The following BBS4 variants were observed in gnomAD, a reference collection of about 807,000 sequenced individuals.
BBS4 encodes Bardet-Biedl syndrome 4.
BBS4 carries 58 observed loss-of-function variants against 71.4 expected under a neutral mutation model. That is an observed-to-expected ratio of 0.81 (90% CI 0.66 to 1.01). BBS4 has a LOEUF of 1.01. Among genes scored for constraint, BBS4 ranks in the 50% least tolerant of loss-of-function variants. The pLI is 0.00. For synonymous variants in BBS4, 228 were observed against 216.8 expected (o/e 1.05, Z -0.46); for missense variants, 660 against 607.9 (o/e 1.09, Z -0.90).
chr15:72,721,180 T>A (rs2065568584), intron 6 of BBS4, among the ~76,000 whole-genome samples: 1 of 152,254 alleles, frequency 6.6e-6, no homozygotes. Flanking sequence ...AATTTTTAAA[T>A]GTGCGGCATT....
In BBS4 at chr15:72,712,322, T is replaced by C. The variant is rs1362023324; in HGVS notation, c.220+15T>C. The C allele has an allele frequency of 6.2e-7, 1 of 1,607,056 alleles. No homozygotes were observed. The highest frequency in any genetic ancestry group is 1.7e-4 in the Middle Eastern group (1 of 6,048). On this transcript the variant is annotated intron_variant, in intron 4 of 15. Transcript: ENST00000268057. ...CTATGTCCAAGGTAAGACACATACT[T>C]CTTGTCTTCTTGCTAGAGAAATACA...
intron 2 of BBS4, among the ~76,000 whole-genome samples, chr15:72,701,131 C>A (rs1289544590): frequency 6.6e-6 from 1 of 152,294 alleles, no homozygotes; most frequent in East Asian, 1.9e-4. Flanking sequence ...TCATTAACCA[C>A]CCCTCCCAAA....
At chr15:72,686,520 G>C in intron 1 of BBS4, 2 of 1,507,164 alleles carry the variant, frequency 1.3e-6, no homozygotes, top group Non-Finnish European at 1.8e-6. Flanking sequence ...ACCAGTAATG[G>C]CTCTTACCGT....
chr15:72,736,879 G>T lies in BBS4; in HGVS notation c.1366G>T (p.Ala456Ser). Reference sequence around the variant, plus strand: ...CCAGACCACTTCAACCAGCAAACCTGCCAGTTTCCAGCAGCCTCTGGGCTC... The same window carrying T: ...CCAGACCACTTCAACCAGCAAACCTTCCAGTTTCCAGCAGCCTCTGGGCTC... Reference protein sequence around the residue: ...KHQTTSTSKPASFQQPLGSNQ... With the variant: ...KHQTTSTSKPSSFQQPLGSNQ... The change falls in exon 15 of 16, where the codon GCC (alanine) becomes TCC (serine). Residue 456 changes from alanine to serine, a missense_variant. Ala to Ser is a moderately conservative substitution (Grantham distance 99, BLOSUM62 1). Coordinates refer to ENST00000268057, the MANE Select transcript of BBS4 (RefSeq NM_033028.5). 2.5e-6 allele frequency: 4 copies of T among 1,614,176 alleles called. No individual in the cohort carries two copies. Among genetic ancestry groups the T allele is most frequent in the Non-Finnish European group, 3.4e-6 (4 of 1,180,032 alleles).
intron 1 of BBS4, among the ~76,000 whole-genome samples, chr15:72,691,736 C>T (rs1217652727): frequency 6.6e-6 from 1 of 152,066 alleles, no homozygotes; most frequent in Non-Finnish European, 1.5e-5. Context: ...GAGGCCGAGG[C>T]TGCGGATCAT....
chr15:72,726,350 G>T (rs984106180), intron 8 of BBS4, among the ~76,000 whole-genome samples: 5 of 152,096 alleles, frequency 3.3e-5, no homozygotes, highest in Non-Finnish European at 7.3e-5. Flanking sequence ...GGCCTCAAGT[G>T]ATCTGCTTGC....
At chr15:72,686,551 C>T (rs1595897380) in intron 1 of BBS4, 4 of 1,467,916 alleles carry the variant, frequency 2.7e-6, no homozygotes, top group East Asian at 2.9e-5. Flanking sequence ...TTTTCTGTCT[C>T]GGGGGTTTGG....
chr15:72,727,879 G>C (rs762059756), intron 8 of BBS4, 61 bp from the exon 9 acceptor site: 4 of 1,236,752 alleles, frequency 3.2e-6, no homozygotes, highest in Non-Finnish European at 4.8e-6. Flanking sequence ...ATATTACTGT[G>C]CATGTGTCTT....
At chr15:72,688,504 C>T (rs1046597435) in intron 1 of BBS4, among the ~76,000 whole-genome samples, 4 of 137,692 alleles carry the variant, frequency 2.9e-5, no homozygotes, top group African/African-American at 1.1e-4. Flanking sequence ...ACCTCTGCCT[C>T]CCGGGTTCAA....
At position 72,705,587 on chromosome 15, in the gene BBS4, CTTT is replaced by C. The variant is rs762708438; in HGVS notation, c.77-4092_77-4090del. ...CAAGAAACACAAAACATGGCTTGTC[CTTT>C]TTTTTTTTTTTTTTTTTTTTGAGAC... is the stretch of plus-strand genomic sequence containing the variant. On this transcript the variant is annotated intron_variant, in intron 2 of 15. Coordinates refer to ENST00000268057, the MANE Select transcript of BBS4 (RefSeq NM_033028.5). Among the ~76,000 whole-genome samples the C allele has an allele frequency of 3.2e-4, 28 of 86,856 alleles. No homozygotes were observed. In the East Asian group the frequency reaches 3.7e-3, roughly 11 times the overall value. The allele number at this position is 86,856 out of a possible 152,430, so 57.0% of individuals were successfully genotyped here. A position where few individuals can be genotyped will look rare whatever the true frequency, so the allele number is the denominator to read the frequency against.
intron 2 of BBS4, among the ~76,000 whole-genome samples, chr15:72,701,697 T>C (rs2065171810): frequency 6.6e-6 from 1 of 152,214 alleles, no homozygotes; most frequent in Non-Finnish European, 1.5e-5. Flanking sequence ...TTTAGTATCC[T>C]ATGTGCCCTT....
intron 1 of BBS4, among the ~76,000 whole-genome samples, chr15:72,693,901 T>G (rs971920134): frequency 1.3e-5 from 2 of 152,128 alleles, no homozygotes; most frequent in African/African-American, 4.8e-5. Context: ...CTTTTTTTTT[T>G]GAAATGGAGT....
chr15:72,737,099 A>C, intron 15 of BBS4, 136 bp downstream of exon 15: 2 of 1,120,058 alleles, frequency 1.8e-6, no homozygotes, highest in Non-Finnish European at 2.6e-6. Context: ...GGGAGAAAAA[A>C]AACACAGGGT....
intron 14 of BBS4, 122 bp downstream of exon 14, chr15:72,736,088 C>A: frequency 8.9e-7 from 1 of 1,128,984 alleles, no homozygotes; most frequent in Non-Finnish European, 1.3e-6. Context: ...TTTGATGTTC[C>A]TAGCAGCATG....
At chr15:72,714,220 CTTTTTTTT>C (rs58123834) in intron 4 of BBS4, among the ~76,000 whole-genome samples, 22 of 98,482 alleles carry the variant, frequency 2.2e-4, no homozygotes, top group Non-Finnish European at 2.6e-4. Context: ...CACTCACTTA[CTTTTTTTT>C]TTTTTTTTTT....
intron 14 of BBS4, among the ~76,000 whole-genome samples, chr15:72,736,204 GGTCTGT>G (rs2065919803): frequency 6.6e-6 from 1 of 151,256 alleles, no homozygotes; most frequent in South Asian, 2.1e-4. Context: ...TCAAAGTTGA[GGTCTGT>G]GTCTGTCTGT....
At chr15:72,722,429 C>T (rs1460084561) in intron 6 of BBS4, among the ~76,000 whole-genome samples, 7 of 152,186 alleles carry the variant, frequency 4.6e-5, no homozygotes, top group Admixed American at 1.3e-4. Flanking sequence ...GGCTAGCAGC[C>T]CTCTCAGCAG....
At chr15:72,722,293 C>T (rs538876421) in intron 6 of BBS4, among the ~76,000 whole-genome samples, 5 of 152,336 alleles carry the variant, frequency 3.3e-5, no homozygotes, top group African/African-American at 1.2e-4. Context: ...CTCAAGTTCA[C>T]ATCACCTAGT....
intron 14 of BBS4, among the ~76,000 whole-genome samples, chr15:72,736,454 A>G (rs992914303): frequency 6.6e-6 from 1 of 151,874 alleles, no homozygotes; most frequent in Non-Finnish European, 1.5e-5. Context: ...GTTGGCCAGG[A>G]TGGTCTTGAT....
Sources: allele counts gnomAD v4.1 joint callset (sites outside exome capture counted in the v4.1 genomes callset), GRCh38; gene constraint gnomAD v4.1.1; transcripts MANE v1.5; gene names NCBI Gene and HGNC (gene_info 2026-07-23, HGNC 2026-07-21).